The following CLYBL variants were observed in gnomAD, a reference collection of about 807,000 sequenced individuals.
CLYBL encodes the protein citramalyl-CoA lyase, mitochondrial.
A neutral mutation model predicts 38.9 loss-of-function variants in CLYBL; 31 were observed. The ratio of observed to expected loss-of-function variants is 0.80; its 90% CI spans 0.60 to 1.08. The LOEUF is 1.08. CLYBL is among the 50% of genes least tolerant of loss of function. The probability of loss-of-function intolerance (pLI) is 0.00; values close to 1 mark genes in which losing one functional copy is unlikely to be tolerated. For missense variants in CLYBL, 434 were observed against 411.6 expected (o/e 1.05, Z -0.47); for synonymous variants, 171 against 158.6 (o/e 1.08, Z -0.59).
chr13:99,785,602 ATT>A (rs34774913), intron 2 of CLYBL, among the ~76,000 whole-genome samples: 147 of 143,602 alleles, frequency 1.0e-3, no homozygotes, highest in African/African-American at 3.6e-3. Flanking sequence ...TAAATAATAC[ATT>A]TTTTTTTTTT....
chr13:99,886,187 A>G (rs1372044312), intron 7 of CLYBL, among the ~76,000 whole-genome samples: 3 of 152,252 alleles, frequency 2.0e-5, no homozygotes, highest in Non-Finnish European at 1.5e-5. Context: ...GAACCCCTTC[A>G]GTATCCACAG....
At chr13:99,628,251 A>G (rs1354582789) in intron 1 of CLYBL, among the ~76,000 whole-genome samples, 1 of 152,240 alleles carries the variant, frequency 6.6e-6, no homozygotes, top group African/African-American at 2.4e-5. Flanking sequence ...AAGTAAAAAT[A>G]GAGAGGATCA....
At chr13:99,738,161 A>G (rs1048966980) in intron 1 of CLYBL, among the ~76,000 whole-genome samples, 1 of 152,206 alleles carries the variant, frequency 6.6e-6, no homozygotes, top group African/African-American at 2.4e-5. Context: ...CTTTATCTTA[A>G]TATTTAAACC....
At chr13:99,880,362 G>C (rs921420591) in intron 7 of CLYBL, among the ~76,000 whole-genome samples, 1 of 152,124 alleles carries the variant, frequency 6.6e-6, no homozygotes. Flanking sequence ...ACTGCACCTG[G>C]CCCTTGCATA....
chr13:99,790,738 G>C lies in CLYBL; in HGVS notation c.249+17728G>C, dbSNP rs1181661372. On this transcript the variant is annotated intron_variant, in intron 2 of 8. Coordinates refer to ENST00000339105, the MANE Select transcript of CLYBL (RefSeq NM_206808.5). ...CTCTCCCTGAACCATCCAGTCCCTTGAAGTCTGGGCTGCTGGTCCTTCAGG... is the reference window on the plus strand; with the variant it reads ...CTCTCCCTGAACCATCCAGTCCCTTCAAGTCTGGGCTGCTGGTCCTTCAGG... Among the ~76,000 whole-genome samples the C allele has an allele frequency of 3.3e-5, 5 of 152,308 alleles. No individual in the cohort carries two copies. The East Asian group carries it at 7.7e-4, about 23-fold the overall frequency.
chr13:99,661,661 C>A (rs933641606), intron 1 of CLYBL, among the ~76,000 whole-genome samples: 1 of 152,020 alleles, frequency 6.6e-6, no homozygotes. Context: ...GTCTTTGTTA[C>A]GGAAATAGAT....
At chr13:99,846,286 A>ATTTTCTTTT (rs2051203120) in intron 2 of CLYBL, among the ~76,000 whole-genome samples, 8 of 108,144 alleles carry the variant, frequency 7.4e-5, no homozygotes, top group African/African-American at 2.6e-4. Context: ...TTGTGTGGAG[A>ATTTTCTTTT]TTTTTTTTTT....
intron 1 of CLYBL, among the ~76,000 whole-genome samples, chr13:99,768,494 CTTTTTTTTTTT>C (rs779750350): frequency 1.5e-4 from 13 of 84,892 alleles, no homozygotes; most frequent in African/African-American, 1.5e-4. Flanking sequence ...CGCCCGACCT[CTTTTTTTTTTT>C]TTTTTTTTTT....
At chr13:99,621,427 C>T (rs562840831) in intron 1 of CLYBL, among the ~76,000 whole-genome samples, 75 of 152,260 alleles carry the variant, frequency 4.9e-4, no homozygotes, top group African/African-American at 1.7e-3. Context: ...CTGTCTCGTC[C>T]CTGAGAGCCC....
chr13:99,861,413 GTCACT>G (rs953815890), intron 3 of CLYBL, among the ~76,000 whole-genome samples: 1 of 152,158 alleles, frequency 6.6e-6, no homozygotes, highest in Admixed American at 6.5e-5. Context: ...AATGGGGCAA[GTCACT>G]TCACAAGTTT....
At chr13:99,640,359 G>C (rs530740338) in intron 1 of CLYBL, among the ~76,000 whole-genome samples, 1 of 152,226 alleles carries the variant, frequency 6.6e-6, no homozygotes, top group African/African-American at 2.4e-5. Context: ...GTTTCACTAG[G>C]TTCACTAATG....
chr13:99,864,837 TG>T lies in CLYBL; in HGVS notation c.561del (p.Lys188ArgfsTer6), dbSNP rs755265961. 2 of 1,613,856 alleles carry T rather than the reference TG, an allele frequency of 1.2e-6. No homozygotes were observed. Among genetic ancestry groups the T allele is most frequent in the Non-Finnish European group, 1.7e-6 (2 of 1,179,794 alleles). On this transcript the variant is annotated frameshift_variant, in exon 5 of 9. Coordinates refer to ENST00000339105, the MANE Select transcript of CLYBL (RefSeq NM_206808.5). LOFTEE classifies it high-confidence loss of function. ...LNFKAVCEET[L>X]KVGPQVGLFL... is the part of the protein sequence containing the mutation. ...TTACAGGCAGTGTGTGAAGAAACCCTGAAGGTCGGGCCTCAAGTAGGTCTCT... is the reference window on the plus strand; with the variant it reads ...TTACAGGCAGTGTGTGAAGAAACCCTAAGGTCGGGCCTCAAGTAGGTCTCT...
chr13:99,784,450 T>TCTTTTTTTTTTC (rs1555306265), intron 2 of CLYBL, among the ~76,000 whole-genome samples: 1 of 16,074 alleles, frequency 6.2e-5, no homozygotes, highest in Admixed American at 7.7e-4. Flanking sequence ...AAATTCTCTC[T>TCTTTTTTTTTTC]TTTTTTTTTT....
intron 1 of CLYBL, among the ~76,000 whole-genome samples, chr13:99,636,937 C>T (rs893866038): frequency 6.6e-6 from 1 of 152,104 alleles, no homozygotes; most frequent in Non-Finnish European, 1.5e-5. Flanking sequence ...TGCAGTGGTG[C>T]AGTCTTGGCT....
chr13:99,775,273 C>A (rs989817429), intron 2 of CLYBL, among the ~76,000 whole-genome samples: 2 of 152,120 alleles, frequency 1.3e-5, no homozygotes, highest in East Asian at 3.9e-4. Flanking sequence ...CTTTACATTT[C>A]CTTATTGTTT....
At position 99,866,277 on chromosome 13, in the gene CLYBL, C is replaced by T. The variant is rs145178349; in HGVS notation, c.672C>T (p.Tyr224=). 283 of 1,613,974 alleles carry T rather than the reference C, an allele frequency of 1.8e-4. No homozygotes were observed. Among genetic ancestry groups the T allele is most frequent in the Middle Eastern group, 3.3e-4 (2 of 6,004 alleles). ...GTAAAGAAACCCTGGATATTCTCTA[C>T]GCCCGGCAAAAGATTGTTGTCATAG... ...TSSKETLDIL[Y]ARQKIVVIAK... is the part of the protein sequence containing the mutation. Residue 224 remains tyrosine (Y), a synonymous_variant, in exon 6 of 9, where the codon TAC becomes TAT. Coordinates refer to ENST00000339105, the MANE Select transcript of CLYBL (RefSeq NM_206808.5).
intron 1 of CLYBL, among the ~76,000 whole-genome samples, chr13:99,648,817 CA>C (rs1420045605): frequency 3.9e-5 from 6 of 152,066 alleles, no homozygotes; most frequent in Admixed American, 3.9e-4. Context: ...ATCAAGGTAT[CA>C]TTTTTTTCTA....
intron 1 of CLYBL, among the ~76,000 whole-genome samples, chr13:99,723,147 C>A (rs962588472): frequency 2.0e-5 from 3 of 152,162 alleles, no homozygotes; most frequent in Non-Finnish European, 4.4e-5. Flanking sequence ...GGAATAAGGC[C>A]CAGGAGCTGG....
At position 99,891,312 on chromosome 13, in the gene CLYBL, T is replaced by C; in HGVS notation, c.928-6T>C. On this transcript the variant is annotated splice_polypyrimidine_tract_variant and splice_region_variant and intron_variant, in intron 7 of 8. Transcript: ENST00000339105. ...TTTCAGGAAGTTTGTATTCTCTGTT[T>C]TCCAGGGGGCCTTTACTTTCCAAGG... The C allele has an allele frequency of 6.2e-7, 1 of 1,607,384 alleles. No individual in the cohort carries two copies. Among genetic ancestry groups the C allele is most frequent in the Non-Finnish European group, 8.5e-7 (1 of 1,173,980 alleles).
Sources: gnomAD v4.1 joint callset for allele counts (sites outside exome capture counted in the v4.1 genomes callset) on GRCh38, gnomAD v4.1.1 for gene constraint, MANE v1.5 for transcripts, NCBI Gene and HGNC (gene_info 2026-07-23, HGNC 2026-07-21) for gene names.